Variants in CSF1 observed in about 807,000 individuals in gnomAD.
The protein encoded by CSF1 is colony stimulating factor 1.
A neutral mutation model predicts 48.9 loss-of-function variants in CSF1; 9 were observed. The observed-to-expected ratio is 0.18, with a 90% CI of 0.11 to 0.32. CSF1 has a LOEUF of 0.32. Ranked by LOEUF, CSF1 falls within the 10% of genes least tolerant of loss-of-function variation. The pLI, the probability that CSF1 is intolerant of heterozygous loss-of-function variation, is 1.00. For missense variants in CSF1, 672 were observed against 697.9 expected, an observed-to-expected ratio of 0.96 and a Z score of 0.42; for synonymous variants, 305 against 284.1, an observed-to-expected ratio of 1.07 and a Z score of -0.74.
At position 109,923,771 on chromosome 1, in the gene CSF1, C is replaced by A; in HGVS notation, c.1150C>A (p.Pro384Thr). The change falls in exon 6 of 9, where the codon CCC becomes ACC. Residue 384 changes from proline to threonine, a missense_variant. This residue lies in a region of CSF1 where 591 missense variants were observed against 593.6 expected (regional missense o/e 1.00). Coordinates refer to ENST00000329608, the MANE Select transcript of CSF1 (RefSeq NM_000757.6). ...RPTGQDWNHT[P>T]QKTDHPSALL... Reference sequence around the variant, plus strand: ...CACTGGCCAGGACTGGAATCACACCCCCCAGAAGACAGACCATCCATCTGC... The same window carrying A: ...CACTGGCCAGGACTGGAATCACACCACCCAGAAGACAGACCATCCATCTGC... 6.2e-7 allele frequency: 1 copy of A among 1,608,118 alleles called. No individual in the cohort carries two copies. Among genetic ancestry groups the A allele is most frequent in the South Asian group, 1.1e-5 (1 of 90,222 alleles).
intron 4 of CSF1, among the ~76,000 whole-genome samples, chr1:109,919,726 G>A (rs932151228): frequency 2.6e-5 from 4 of 151,980 alleles, no homozygotes; most frequent in Non-Finnish European, 4.4e-5. Flanking sequence ...TTGGGAGGCC[G>A]AGACAGTGGA....
chr1:109,915,061 C>T (rs765749712), intron 2 of CSF1, among the ~76,000 whole-genome samples: 19 of 152,042 alleles, frequency 1.2e-4, no homozygotes, highest in Admixed American at 2.0e-4. Flanking sequence ...CACTGGCTAA[C>T]GCCAGCTCCA....
rs2101635906 is a variant in CSF1, at chr1:109,910,976, G to A, written c.-48G>A. The A allele has an allele frequency of 1.7e-6, 2 of 1,156,504 alleles. No homozygotes were observed. The highest frequency in any genetic ancestry group is 1.6e-5 in the African/African-American group (1 of 61,034). 71.6% of individuals were successfully genotyped at this position (1,156,504 alleles called of 1,614,324 possible). Reference sequence around the variant, plus strand: ...ACTCCGCAGCAGCCAGCGAGCGAGCGAGCGAGCGAGGGCGGCCGACGCGCC... The same window carrying A: ...ACTCCGCAGCAGCCAGCGAGCGAGCAAGCGAGCGAGGGCGGCCGACGCGCC... On this transcript the variant is annotated 5_prime_UTR_variant, in exon 1 of 9. Coordinates refer to ENST00000329608, the MANE Select transcript of CSF1 (RefSeq NM_000757.6).
At chr1:109,924,957 G>T in intron 7 of CSF1, 129 bp downstream of exon 7, 1 of 1,057,958 alleles carries the variant, frequency 9.5e-7, no homozygotes, top group South Asian at 1.3e-5. Flanking sequence ...ATGGGGGAGA[G>T]AAGAAGGGCC....
intron 3 of CSF1, 121 bp from the exon 4 acceptor site, chr1:109,917,172 C>A: frequency 2.0e-6 from 2 of 1,003,488 alleles, no homozygotes; most frequent in Non-Finnish European, 3.0e-6. Context: ...TAGTTGCTGG[C>A]ATGGTGTGGT....
At position 109,923,973 on chromosome 1, in the gene CSF1, G is replaced by A. The variant is rs770208004; in HGVS notation, c.1352G>A (p.Ser451Asn). ...EGRRSTRDRR[S>N]PAEPEGGPAS... ...AGGAGGAGCACCAGGGATCGGAGGA[G>A]CCCCGCAGAGCCAGAAGGAGGACCA... is the stretch of plus-strand genomic sequence containing the variant. Residue 451 changes from serine (S) to asparagine (N), a missense_variant, in exon 6 of 9, where the codon AGC becomes AAC. By Grantham distance (46) the Ser-to-Asn change is conservative. Transcript: ENST00000329608. 3 of 1,614,184 alleles carry A rather than the reference G, an allele frequency of 1.9e-6. No homozygotes were observed. Among genetic ancestry groups the A allele is most frequent in the East Asian group, 4.5e-5 (2 of 44,872 alleles).
intron 3 of CSF1, among the ~76,000 whole-genome samples, chr1:109,916,929 A>G (rs755767813): frequency 6.6e-5 from 10 of 152,154 alleles, no homozygotes; most frequent in Non-Finnish European, 2.9e-5. Flanking sequence ...AAGGGGCCAT[A>G]TGGTAAAAGA....
chr1:109,911,903 G>A (rs1442756113), intron 1 of CSF1, among the ~76,000 whole-genome samples: 2 of 152,308 alleles, frequency 1.3e-5, no homozygotes, highest in Non-Finnish European at 2.9e-5. Flanking sequence ...AGCAGATGCA[G>A]CCATAGAAAG....
At chr1:109,921,355 C>T (rs76239223) in intron 4 of CSF1, among the ~76,000 whole-genome samples, 7 of 152,338 alleles carry the variant, frequency 4.6e-5, no homozygotes, top group African/African-American at 9.6e-5. Context: ...GACTTTTGCA[C>T]GGTCTGTTCT....
chr1:109,925,328 C>T (rs1233498314), intron 8 of CSF1, 126 bp downstream of exon 8: 2 of 775,100 alleles, frequency 2.6e-6, no homozygotes, highest in Non-Finnish European at 4.4e-6. Context: ...TCTCCAGTTC[C>T]CTTTCCATAC....
chr1:109,925,569 C>T (rs1404306132), intron 8 of CSF1, among the ~76,000 whole-genome samples: 2 of 152,178 alleles, frequency 1.3e-5, no homozygotes, highest in African/African-American at 4.8e-5. Context: ...GCAGCCACTG[C>T]AAGCCCTATA....
intron 2 of CSF1, among the ~76,000 whole-genome samples, chr1:109,914,759 T>C (rs1654827492): frequency 6.6e-6 from 1 of 152,258 alleles, no homozygotes; most frequent in South Asian, 2.1e-4. Context: ...GTCCAGATGT[T>C]GCATCTAGCT....
chr1:109,915,724 T>C (rs1654871426), intron 3 of CSF1, 28 bp downstream of exon 3: 1 of 1,572,606 alleles, frequency 6.4e-7, no homozygotes. Flanking sequence ...ACAAAATCCA[T>C]GCACCAGCCT....
In CSF1 at chr1:109,924,154, C is replaced by G; in HGVS notation, c.1533C>G (p.Ala511=). 1 of 1,613,110 alleles carries G rather than the reference C, an allele frequency of 6.2e-7. No homozygotes were observed. Among genetic ancestry groups the G allele is most frequent in the South Asian group, 1.1e-5 (1 of 90,998 alleles). ...LVPSVILVLL[A]VGGLLFYRWR... is the part of the protein sequence containing the mutation. ...CCAGTGTCATCCTGGTCTTGCTGGC[C>G]GTCGGAGGCCTCTTGTTCTACAGGT... The change falls in exon 6 of 9, where the codon GCC becomes GCG. Residue 511 remains alanine, a synonymous_variant. Transcript: ENST00000329608.
intron 1 of CSF1, among the ~76,000 whole-genome samples, chr1:109,911,648 G>A (rs1044191908): frequency 3.9e-5 from 6 of 152,224 alleles, no homozygotes; most frequent in Non-Finnish European, 5.9e-5. Flanking sequence ...TGGGGGGTGG[G>A]GTGGGGGACG....
chr1:109,913,234 G>A (rs565123919), intron 1 of CSF1, among the ~76,000 whole-genome samples: 1 of 152,352 alleles, frequency 6.6e-6, no homozygotes, highest in African/African-American at 2.4e-5. Context: ...CCAGAGTCCA[G>A]GATAGTGTCA....
rs752775445 is a variant in CSF1, at chr1:109,923,474, G to T, written c.853G>T (p.Gly285Trp). The T allele has an allele frequency of 6.2e-7, 1 of 1,613,972 alleles. No individual in the cohort carries two copies. The highest frequency in any genetic ancestry group is 8.5e-7 in the Non-Finnish European group (1 of 1,179,998). ...CTCACCACAGCCTCGCCCCTCTGTC[G>T]GGGCCTTCAACCCCGGGATGGAGGA... ...GGSPQPRPSV[G>W]AFNPGMEDIL... is the part of the protein sequence containing the mutation. The change falls in exon 6 of 9, where the codon GGG becomes TGG. Residue 285 changes from glycine (G) to tryptophan (W), a missense_variant. Gly to Trp is a radical substitution (Grantham distance 184). Coordinates refer to ENST00000329608, the MANE Select transcript of CSF1 (RefSeq NM_000757.6).
chr1:109,914,209 T>A, intron 1 of CSF1, 50 bp from the exon 2 acceptor site: 2 of 1,552,010 alleles, frequency 1.3e-6, no homozygotes, highest in Non-Finnish European at 1.7e-6. Context: ...GGCATGGGGA[T>A]AACTGGGGAG....
Position 109,930,256 on chromosome 1 carries a change from C to T in CSF1, c.*1418C>T, listed in dbSNP as rs1648013574. 6.6e-6 allele frequency: 1 copy of T among 152,340 alleles called. No homozygotes were observed. 9.4% of individuals were successfully genotyped at this position (152,340 alleles called of 1,614,324 possible). ...CTCTCACCCACCCCCTCTACCATCA[C>T]CTCTAACCAGGCAAGCCAGGGTGGG... is the stretch of plus-strand genomic sequence containing the variant. On this transcript the variant is annotated 3_prime_UTR_variant, in exon 9 of 9. Coordinates refer to ENST00000329608, the MANE Select transcript of CSF1 (RefSeq NM_000757.6).
Sources: allele counts gnomAD v4.1 joint callset (sites outside exome capture counted in the v4.1 genomes callset), GRCh38; gene constraint gnomAD v4.1.1; regional missense constraint gnomAD v4.1.1; transcripts MANE v1.5; gene names NCBI Gene and HGNC (gene_info 2026-07-23, HGNC 2026-07-21).